ZNF26: variants seen among roughly 807,000 people sequenced by gnomAD.
The protein encoded by ZNF26 is zinc finger protein 26, also known as epididymis luminal protein 179.
A neutral mutation model predicts 54.9 loss-of-function variants in ZNF26; 32 were observed. The observed-to-expected ratio is 0.58, with a 90% CI of 0.44 to 0.78. The LOEUF (loss-of-function observed/expected upper bound fraction) is 0.78, where lower values mean the gene tolerates loss of function less well. ZNF26 is among the 30% of genes least tolerant of loss of function. The probability of loss-of-function intolerance (pLI) is 0.00; values close to 1 mark genes in which losing one functional copy is unlikely to be tolerated. For missense variants in ZNF26, 524 were observed against 634.0 expected (o/e 0.83, Z 1.86); for synonymous variants, 221 against 209.2 (o/e 1.06, Z -0.49).
intron 1 of ZNF26, among the ~76,000 whole-genome samples, chr12:132,993,453 CTG>C (rs1953007316): frequency 6.6e-6 from 1 of 151,610 alleles, no homozygotes; most frequent in South Asian, 2.1e-4. Context: ...CTTGCCCTGT[CTG>C]TGTTTTTGTT....
Position 133,019,187 on chromosome 12 carries a change from A to AT in ZNF26, c.*7708dup, listed in dbSNP as rs1189016907. 1 of 152,198 alleles carries AT rather than the reference A, an allele frequency of 6.6e-6. No homozygotes were observed. Among genetic ancestry groups the AT allele is most frequent in the Non-Finnish European group, 1.5e-5 (1 of 68,032 alleles). The allele number at this position is 152,198 out of a possible 1,614,324, so 9.4% of individuals were successfully genotyped here. A position where few individuals can be genotyped will look rare whatever the true frequency, so the allele number is the denominator to read the frequency against. On this transcript the variant is annotated 3_prime_UTR_variant, in exon 4 of 4. Coordinates refer to ENST00000328654, the MANE Select transcript of ZNF26 (RefSeq NM_019591.4). ...AAGATGTAACAATTATAAATAGACA[A>AT]TTGGGATTACATCAAGCTGGGAAGC...
In ZNF26 at chr12:133,015,353, C is replaced by CAAAAAAAAAAAAAA. The variant is rs67278075; in HGVS notation, c.*3876_*3889dup. The CAAAAAAAAAAAAAA allele has an allele frequency of 5.1e-5, 5 of 98,410 alleles. No individual in the cohort carries two copies. Among genetic ancestry groups the CAAAAAAAAAAAAAA allele is most frequent in the East Asian group, 2.9e-4 (1 of 3,420 alleles). 6.1% of individuals were successfully genotyped at this position (98,410 alleles called of 1,614,324 possible). Reference sequence around the variant, plus strand: ...TGGGTGACAGAGTGAGACTCTGTCTCAAAAAAAAAAAAAAAAAGAAAAGAA... The same window carrying CAAAAAAAAAAAAAA: ...TGGGTGACAGAGTGAGACTCTGTCTCAAAAAAAAAAAAAAAAAAAAAAAAAAAAAAAGAAAAGAA... On this transcript the variant is annotated 3_prime_UTR_variant, in exon 4 of 4. Coordinates refer to ENST00000328654, the MANE Select transcript of ZNF26 (RefSeq NM_019591.4).
chr12:133,016,035 G>C lies in ZNF26; in HGVS notation c.*4554G>C, dbSNP rs929128735. ...CTTTTGGTTTTGTGAGTGTCTTGAA[G>C]ATCTAAGGTTTATTGTGAAAAAGTG... On this transcript the variant is annotated 3_prime_UTR_variant, in exon 4 of 4. Coordinates refer to ENST00000328654, the MANE Select transcript of ZNF26 (RefSeq NM_019591.4). 1.5e-4 allele frequency: 22 copies of C among 150,866 alleles called. No individual in the cohort carries two copies. Among genetic ancestry groups the C allele is most frequent in the African/African-American group, 5.4e-4 (22 of 41,086 alleles). The allele number at this position is 150,866 out of a possible 1,614,324, so 9.3% of individuals were successfully genotyped here.
At position 133,026,083 on chromosome 12, in the gene ZNF26, G is replaced by A. The variant is rs947482639; in HGVS notation, c.*14602G>A. The A allele has an allele frequency of 6.6e-6, 1 of 151,872 alleles. No individual in the cohort carries two copies. The highest frequency in any genetic ancestry group is 2.4e-5 in the African/African-American group (1 of 41,336). The allele number at this position is 151,872 out of a possible 1,614,324, so 9.4% of individuals were successfully genotyped here. A position where few individuals can be genotyped will look rare whatever the true frequency, so the allele number is the denominator to read the frequency against. On this transcript the variant is annotated 3_prime_UTR_variant, in exon 4 of 4. Coordinates refer to ENST00000328654, the MANE Select transcript of ZNF26 (RefSeq NM_019591.4). ...AGCCTATCTTGAATTTCTGACCCAG[G>A]AAACTATTAGATATAATAAGTCACT...
Position 133,011,279 on chromosome 12 carries a change from C to T in ZNF26, c.1400C>T (p.Ala467Val), listed in dbSNP as rs1953467000. The T allele has an allele frequency of 1.2e-6, 2 of 1,613,840 alleles. No homozygotes were observed. The highest frequency in any genetic ancestry group is 1.7e-5 in the Admixed American group (1 of 59,966). The change falls in exon 4 of 4, where the codon GCA becomes GTA. Residue 467 changes from alanine to valine, a missense_variant. By Grantham distance (64) the Ala-to-Val change is moderately conservative (BLOSUM62 0). Coordinates refer to ENST00000328654, the MANE Select transcript of ZNF26 (RefSeq NM_019591.4). ...NECEKAYPRK[A>V]SLQIHQKTHS... ...TGTGAAAAAGCCTACCCTAGGAAGG[C>T]ATCACTTCAGATACACCAGAAAACT...
At chr12:132,992,524 G>A (rs916965562) in intron 1 of ZNF26, among the ~76,000 whole-genome samples, 14 of 152,044 alleles carry the variant, frequency 9.2e-5, no homozygotes, top group Non-Finnish European at 1.5e-4. Flanking sequence ...TTACTTCAGC[G>A]AAATTTTCAG....
chr12:133,011,304 T>A lies in ZNF26; in HGVS notation c.1425T>A (p.Thr475=). 1 of 1,613,874 alleles carries A rather than the reference T, an allele frequency of 6.2e-7. No homozygotes were observed. The highest frequency in any genetic ancestry group is 8.5e-7 in the Non-Finnish European group (1 of 1,179,946). ...CATCACTTCAGATACACCAGAAAACTCATTCGGGAGAGAAACCTTTTAAAT... is the reference window on the plus strand; with the variant it reads ...CATCACTTCAGATACACCAGAAAACACATTCGGGAGAGAAACCTTTTAAAT... ...RKASLQIHQK[T]HSGEKPFKCS... Residue 475 remains threonine (T), a synonymous_variant, in exon 4 of 4, where the codon ACT becomes ACA. Transcript: ENST00000328654.
At position 133,013,612 on chromosome 12, in the gene ZNF26, T is replaced by C. The variant is rs1285256199; in HGVS notation, c.*2131T>C. On this transcript the variant is annotated 3_prime_UTR_variant, in exon 4 of 4. Transcript: ENST00000328654. ...CTGGGAAGAACCTGAGGACTCAGCC[T>C]AGCAAACTCTTCTGATAGACTTTGA... 6.1e-6 allele frequency: 1 copy of C among 163,114 alleles called. No homozygotes were observed. Among genetic ancestry groups the C allele is most frequent in the East Asian group, 1.9e-4 (1 of 5,202 alleles). 10.1% of individuals were successfully genotyped at this position (163,114 alleles called of 1,614,324 possible). A position where few individuals can be genotyped will look rare whatever the true frequency, so the allele number is the denominator to read the frequency against.
rs1309098923 is a variant in ZNF26 at position 133,009,433 on chromosome 12, A to G, written c.257-703A>G. Among the ~76,000 whole-genome samples, 4 of 152,164 alleles carry G rather than the reference A, an allele frequency of 2.6e-5. No homozygotes were observed. In the East Asian group the frequency reaches 7.8e-4, roughly 30 times the overall value. ...CAAGTGAAACCCCATCTCTACTAAAAATACAAAAATTAGCTGGGCATGATG... is the reference window on the plus strand; with the variant it reads ...CAAGTGAAACCCCATCTCTACTAAAGATACAAAAATTAGCTGGGCATGATG... On this transcript the variant is annotated intron_variant, in intron 3 of 3. Coordinates refer to ENST00000328654, the MANE Select transcript of ZNF26 (RefSeq NM_019591.4).
chr12:132,998,939 G>A (rs59515504), intron 1 of ZNF26, among the ~76,000 whole-genome samples: 2,691 of 152,276 alleles, frequency 0.018, 77 homozygotes, highest in African/African-American at 0.062. Flanking sequence ...GGTAAATTTT[G>A]CTCACAAAAC....
In ZNF26 at chr12:133,018,457, T is replaced by G. The variant is rs990290483; in HGVS notation, c.*6976T>G. 501 of 152,292 alleles carry G rather than the reference T, an allele frequency of 3.3e-3. 3 individuals carry two copies. The highest frequency in any genetic ancestry group is 0.011 in the African/African-American group (475 of 41,552). 9.4% of individuals were successfully genotyped at this position (152,292 alleles called of 1,614,324 possible). ...GTAGACTCTGATAAGTTAATGTGTA[T>G]TTAACACTTCCTAGAACAAACACTA... On this transcript the variant is annotated 3_prime_UTR_variant, in exon 4 of 4. Coordinates refer to ENST00000328654, the MANE Select transcript of ZNF26 (RefSeq NM_019591.4).
intron 1 of ZNF26, 21 bp from the exon 2 acceptor site, chr12:133,007,021 A>T: frequency 1.2e-6 from 2 of 1,613,822 alleles, no homozygotes; most frequent in Non-Finnish European, 1.7e-6. Context: ...ATCCAATTGA[A>T]CAGGGTGTGT....
At chr12:133,006,905 C>A in intron 1 of ZNF26, 137 bp from the exon 2 acceptor site, 1 of 1,162,684 alleles carries the variant, frequency 8.6e-7, no homozygotes, top group Non-Finnish European at 1.2e-6. Flanking sequence ...ATTTTTAATT[C>A]TCTCACAAAG....
intron 1 of ZNF26, among the ~76,000 whole-genome samples, chr12:132,993,418 A>T (rs1953006613): frequency 6.6e-6 from 1 of 151,676 alleles, no homozygotes; most frequent in Non-Finnish European, 1.5e-5. Flanking sequence ...TACCTTCAAC[A>T]TCCCTATCAT....
At position 133,015,091 on chromosome 12, in the gene ZNF26, C is replaced by CA. The variant is rs1437670898; in HGVS notation, c.*3611dup. 1 of 152,062 alleles carries CA rather than the reference C, an allele frequency of 6.6e-6. No individual in the cohort carries two copies. Among genetic ancestry groups the CA allele is most frequent in the African/African-American group, 2.4e-5 (1 of 41,348 alleles). 9.4% of individuals were successfully genotyped at this position (152,062 alleles called of 1,614,324 possible). A position where few individuals can be genotyped will look rare whatever the true frequency, so the allele number is the denominator to read the frequency against. On this transcript the variant is annotated 3_prime_UTR_variant, in exon 4 of 4. Coordinates refer to ENST00000328654, the MANE Select transcript of ZNF26 (RefSeq NM_019591.4). ...TAGCTACTGGCCGGGCGTGGTGGCTCACGCCTGTAATCCCAGCACTTTGGG... is the reference window on the plus strand; with the variant it reads ...TAGCTACTGGCCGGGCGTGGTGGCTCAACGCCTGTAATCCCAGCACTTTGGG...
intron 1 of ZNF26, chr12:132,995,336 A>G (rs1406333239): frequency 8.7e-5 from 13 of 149,846 alleles, no homozygotes; most frequent in African/African-American, 3.2e-4. Flanking sequence ...TGTATTGGCC[A>G]TTGTCCCGTT....
At position 133,011,713 on chromosome 12, in the gene ZNF26, C is replaced by T. The variant is rs1953478038; in HGVS notation, c.*232C>T. 2 of 319,290 alleles carry T rather than the reference C, an allele frequency of 6.3e-6. No homozygotes were observed. Among genetic ancestry groups the T allele is most frequent in the African/African-American group, 4.3e-5 (2 of 46,630 alleles). The allele number at this position is 319,290 out of a possible 1,614,324, so 19.8% of individuals were successfully genotyped here. A position where few individuals can be genotyped will look rare whatever the true frequency, so the allele number is the denominator to read the frequency against. Reference sequence around the variant, plus strand: ...ATAAATGTATCAAATGTTGTAGTATCATCATGAAGATTCAGAGAATTTACA... The same window carrying T: ...ATAAATGTATCAAATGTTGTAGTATTATCATGAAGATTCAGAGAATTTACA... On this transcript the variant is annotated 3_prime_UTR_variant, in exon 4 of 4. Transcript: ENST00000328654.
At position 133,019,132 on chromosome 12, in the gene ZNF26, AAAAGT is replaced by A. The variant is rs1400580361; in HGVS notation, c.*7653_*7657del. 5 of 150,190 alleles carry A rather than the reference AAAAGT, an allele frequency of 3.3e-5. No individual in the cohort carries two copies. Among genetic ancestry groups the A allele is most frequent in the African/African-American group, 9.7e-5 (4 of 41,422 alleles). The allele number at this position is 150,190 out of a possible 1,614,324, so 9.3% of individuals were successfully genotyped here. A position where few individuals can be genotyped will look rare whatever the true frequency, so the allele number is the denominator to read the frequency against. On this transcript the variant is annotated 3_prime_UTR_variant, in exon 4 of 4. Transcript: ENST00000328654. ...AACAAAAGTTTTACTAGAGATAAAG[AAAAGT>A]ATTTTGTAAAGATAAGTCATCAAGA... is the stretch of plus-strand genomic sequence containing the variant.
chr12:133,007,869 G>T (rs978565743), intron 3 of ZNF26, among the ~76,000 whole-genome samples: 2 of 152,074 alleles, frequency 1.3e-5, no homozygotes, highest in African/African-American at 2.4e-5. Context: ...CCCCTCACTT[G>T]ATGTGGCTCA....
Sources: allele counts gnomAD v4.1 joint callset (sites outside exome capture counted in the v4.1 genomes callset), GRCh38; gene constraint gnomAD v4.1.1; transcripts MANE v1.5; gene names NCBI Gene and HGNC (gene_info 2026-07-23, HGNC 2026-07-21).